PCDHGA10: variants seen among roughly 807,000 people sequenced by gnomAD.
PCDHGA10 encodes the protein protocadherin gamma-A10.
A neutral mutation model predicts 59.5 loss-of-function variants in PCDHGA10; 42 were observed. The ratio of observed to expected loss-of-function variants is 0.71; its 90% CI spans 0.55 to 0.91. PCDHGA10 has a LOEUF of 0.91. Among genes scored for constraint, PCDHGA10 ranks in the 40% least tolerant of loss-of-function variants. The pLI, the probability that PCDHGA10 is intolerant of heterozygous loss-of-function variation, is 0.00. For missense variants in PCDHGA10, 1,111 were observed against 1,198.2 expected, an observed-to-expected ratio of 0.93 and a Z score of 1.07; for synonymous variants, 511 against 517.2, an observed-to-expected ratio of 0.99 and a Z score of 0.16.
At chr5:141,461,278 C>T (rs2099012353) in intron 1 of PCDHGA10, among the ~76,000 whole-genome samples, 1 of 152,086 alleles carries the variant, frequency 6.6e-6, no homozygotes, top group South Asian at 2.1e-4. Context: ...GTTCTCTTTT[C>T]CCCACATCCA....
At chr5:141,509,310 G>A (rs1223508453) in intron 3 of PCDHGA10, among the ~76,000 whole-genome samples, 2 of 152,174 alleles carry the variant, frequency 1.3e-5, no homozygotes, top group Non-Finnish European at 1.5e-5. Flanking sequence ...GAGGGAGGCT[G>A]GGAGAGAAGC....
intron 1 of PCDHGA10, chr5:141,433,370 T>TCTAA (rs1466476027): frequency 1.8e-6 from 1 of 554,768 alleles, no homozygotes; most frequent in African/African-American, 1.9e-5. Context: ...TATCTATCTA[T>TCTAA]CTATCTATCT....
At chr5:141,427,857 G>A (rs746661329) in intron 1 of PCDHGA10, 36 of 1,554,574 alleles carry the variant, frequency 2.3e-5, no homozygotes, top group Non-Finnish European at 2.9e-5. Context: ...GCAGCTGTGC[G>A]CCTTCGAGCT....
At chr5:141,496,262 C>G (rs934511905) in intron 2 of PCDHGA10, among the ~76,000 whole-genome samples, 3 of 152,158 alleles carry the variant, frequency 2.0e-5, no homozygotes, top group African/African-American at 7.2e-5. Flanking sequence ...GAAACTTCAG[C>G]AGAAAGACCT....
At chr5:141,492,755 C>T (rs938918009) in intron 1 of PCDHGA10, among the ~76,000 whole-genome samples, 3 of 152,262 alleles carry the variant, frequency 2.0e-5, no homozygotes, top group African/African-American at 7.2e-5. Flanking sequence ...CGCGGCAGGG[C>T]TCCGCGTTGG....
At chr5:141,452,528 A>T (rs1592223895) in intron 1 of PCDHGA10, among the ~76,000 whole-genome samples, 1 of 152,206 alleles carries the variant, frequency 6.6e-6, no homozygotes, top group African/African-American at 2.4e-5. Flanking sequence ...CAAAATCGTG[A>T]GTTCATATTG....
At chr5:141,434,392 CA>C (rs1377925864) in intron 1 of PCDHGA10, among the ~76,000 whole-genome samples, 2 of 152,210 alleles carry the variant, frequency 1.3e-5, no homozygotes, top group Non-Finnish European at 2.9e-5. Context: ...TGGCCATAAA[CA>C]AAATCTCTGC....
intron 2 of PCDHGA10, 166 bp from the exon 3 acceptor site, chr5:141,505,227 T>C: frequency 1.2e-6 from 1 of 840,112 alleles, no homozygotes; most frequent in Non-Finnish European, 1.4e-6. Context: ...TGTGGGATTC[T>C]GGCTTCTGAA....
rs570083634 is a variant in PCDHGA10, at chr5:141,427,859, C to G, written c.2436+12248C>G. 25 of 1,556,390 alleles carry G rather than the reference C, an allele frequency of 1.6e-5. No homozygotes were observed. The Admixed American group carries it at 2.0e-4, about 13-fold the overall frequency. ...CCTTCGACCACGAGCAGCTGTGCGC[C>G]TTCGAGCTCACGATGCAGGCCCACG... On this transcript the variant is annotated intron_variant, in intron 1 of 3. Coordinates refer to ENST00000398610, the MANE Select transcript of PCDHGA10 (RefSeq NM_018913.3).
intron 1 of PCDHGA10, among the ~76,000 whole-genome samples, chr5:141,464,888 GCCACCATGT>G (rs1351812446): frequency 6.6e-6 from 1 of 152,000 alleles, no homozygotes; most frequent in East Asian, 1.9e-4. Context: ...ACAGATGGAT[GCCACCATGT>G]CCAGCTAATT....
rs983317324 is a variant in PCDHGA10, at chr5:141,431,891, G to A, written c.2436+16280G>A. The stretch of plus-strand genomic sequence containing the variant: ...AAATGTAAATGACCAAGATTCTGAG[G>A]AAAACGGACAGGTGATCTGTTTCAT... On this transcript the variant is annotated intron_variant, in intron 1 of 3. Transcript: ENST00000398610. The surrounding 1 kb of genome is among the most constrained non-coding windows in gnomAD (Gnocchi z 4.8). 16 of 1,614,072 alleles carry A rather than the reference G, an allele frequency of 9.9e-6. No homozygotes were observed. The highest frequency in any genetic ancestry group is 2.7e-5 in the African/African-American group (2 of 74,934).
chr5:141,485,511 C>G lies in PCDHGA10; in HGVS notation c.2437-9296C>G, dbSNP rs1168331122. The G allele has an allele frequency of 1.2e-6, 2 of 1,614,042 alleles. No individual in the cohort carries two copies. Among genetic ancestry groups the G allele is most frequent in the Non-Finnish European group, 1.7e-6 (2 of 1,180,038 alleles). On this transcript the variant is annotated intron_variant, in intron 1 of 3. Transcript: ENST00000398610. The surrounding 1 kb of genome is among the most constrained non-coding windows in gnomAD (Gnocchi z 5.7). Reference sequence around the variant, plus strand: ...CCCCTGGAGTTTGTCACCGAAGGTCCTTTGGAAATGTACCGAGCAGAGGTA... The same window carrying G: ...CCCCTGGAGTTTGTCACCGAAGGTCGTTTGGAAATGTACCGAGCAGAGGTA...
Position 141,413,715 on chromosome 5 carries a change from G to A in PCDHGA10, c.540G>A (p.Lys180=), listed in dbSNP as rs955570292. Residue 180 remains lysine (K), a synonymous_variant, in exon 1 of 4, where the codon AAG becomes AAA. Coordinates refer to ENST00000398610, the MANE Select transcript of PCDHGA10 (RefSeq NM_018913.3). ...AGAGCTATCAGCTCAGCCCCAATAA[G>A]CACTTCTCCCTAAGAGTTCAGAGCC... ...SLQSYQLSPN[K]HFSLRVQSRA... 4 of 1,613,472 alleles carry A rather than the reference G, an allele frequency of 2.5e-6. No homozygotes were observed. The highest frequency in any genetic ancestry group is 3.4e-6 in the Non-Finnish European group (4 of 1,179,882).
chr5:141,448,426 T>C (rs892222815), intron 1 of PCDHGA10, among the ~76,000 whole-genome samples: 1 of 152,164 alleles, frequency 6.6e-6, no homozygotes, highest in Non-Finnish European at 1.5e-5. Context: ...ATACTATGTA[T>C]ATATTGAGAA....
chr5:141,458,168 A>G (rs1287422935), intron 1 of PCDHGA10, among the ~76,000 whole-genome samples: 1 of 152,254 alleles, frequency 6.6e-6, no homozygotes. Context: ...TGTTCACAGT[A>G]GTATACCTTA....
intron 1 of PCDHGA10, among the ~76,000 whole-genome samples, chr5:141,480,976 T>G (rs1485868136): frequency 6.6e-6 from 1 of 152,108 alleles, no homozygotes; most frequent in Non-Finnish European, 1.5e-5. Context: ...GGAGAATCAG[T>G]GAACCCAGGA....
rs779392461 is a variant in PCDHGA10, at chr5:141,428,623, TC to T, written c.2436+13013del. 3.1e-5 allele frequency: 6 copies of T among 193,516 alleles called. No individual in the cohort carries two copies. In the East Asian group the frequency reaches 5.4e-4, roughly 17 times the overall value. 12.0% of individuals were successfully genotyped at this position (193,516 alleles called of 1,614,324 possible). ...CACTGAAGAGAATAACAAGATAAGC[TC>T]TAACTCTGTTGCTCCTACTCACGTG... On this transcript the variant is annotated intron_variant, in intron 1 of 3. Coordinates refer to ENST00000398610, the MANE Select transcript of PCDHGA10 (RefSeq NM_018913.3).
rs115990854 is a variant in PCDHGA10 at position 141,433,033 on chromosome 5, C to T, written c.2436+17422C>T. On this transcript the variant is annotated intron_variant, in intron 1 of 3. Coordinates refer to ENST00000398610, the MANE Select transcript of PCDHGA10 (RefSeq NM_018913.3). ...TGCAGACCTATTCCCACGAGGTTTC[C>T]CTCACCACGGACTCGCGGAAGAGTC... The T allele has an allele frequency of 6.4e-3, 10,342 of 1,614,162 alleles. 43 individuals are homozygous for T. The highest frequency in any genetic ancestry group is 8.6e-3 in the Middle Eastern group (52 of 6,062).
At chr5:141,420,412 T>G in intron 1 of PCDHGA10, 1 of 1,225,004 alleles carries the variant, frequency 8.2e-7, no homozygotes, top group African/African-American at 1.6e-5. Flanking sequence ...TGGTTATCAT[T>G]ATTAAAACAA....
Sources: allele counts gnomAD v4.1 joint callset (sites outside exome capture counted in the v4.1 genomes callset), GRCh38; gene constraint gnomAD v4.1.1; non-coding constraint Gnocchi (gnomAD v3.1); transcripts MANE v1.5; gene names NCBI Gene and HGNC (gene_info 2026-07-23, HGNC 2026-07-21).